The following PZP variants were observed in gnomAD, a reference collection of about 807,000 sequenced individuals.
PZP encodes the protein pregnancy zone protein.
In PZP, 150 loss-of-function variants were observed where a neutral mutation model predicts 179.8. The ratio of observed to expected loss-of-function variants is 0.83; its 90% CI spans 0.73 to 0.96. The LOEUF (loss-of-function observed/expected upper bound fraction) is 0.96. PZP is among the 40% of genes least tolerant of loss of function. The pLI, the probability that PZP is intolerant of heterozygous loss-of-function variation, is 0.00. For missense variants in PZP, 1,689 were observed against 1,764.0 expected (o/e 0.96, Z 0.76); for synonymous variants, 624 against 652.3 (o/e 0.96, Z 0.66).
intron 15 of PZP, among the ~76,000 whole-genome samples, chr12:9,172,783 T>A (rs1463230327): frequency 6.6e-6 from 1 of 152,222 alleles, no homozygotes; most frequent in African/African-American, 2.4e-5. Flanking sequence ...CTAACTATCC[T>A]AAATATATAT....
At chr12:9,148,830 C>G, downstream of PZP, 1 of 667,078 alleles carries the variant, frequency 1.5e-6, no homozygotes, top group Non-Finnish European at 2.6e-6. Context: ...ATGAATGATG[C>G]AACAAGTGAT....
chr12:9,145,631 C>T (rs570786632), downstream of PZP, among the ~76,000 whole-genome samples: 29 of 152,262 alleles, frequency 1.9e-4, no homozygotes, highest in African/African-American at 6.7e-4. Flanking sequence ...TTTGCCTTTG[C>T]CAATCAGTTT....
intron 22 of PZP, among the ~76,000 whole-genome samples, chr12:9,161,837 A>G (rs1941224473): frequency 6.6e-6 from 1 of 152,206 alleles, no homozygotes; most frequent in African/African-American, 2.4e-5. Context: ...TTCTACACGG[A>G]AAACACACAT....
At chr12:9,206,796 G>A (rs1332865575) in intron 1 of PZP, among the ~76,000 whole-genome samples, 1 of 152,104 alleles carries the variant, frequency 6.6e-6, no homozygotes, top group Non-Finnish European at 1.5e-5. Flanking sequence ...CAGACACAAC[G>A]TAAAAGGATG....
chr12:9,141,984 A>G, the PZP span, among the ~76,000 whole-genome samples: 5 of 152,200 alleles, frequency 3.3e-5, no homozygotes, highest in Non-Finnish European at 7.3e-5. Flanking sequence ...TTTAAATTGT[A>G]CAACATTTCT....
intron 28 of PZP, chr12:9,155,995 G>A (rs973185982): frequency 7.7e-5 from 13 of 168,446 alleles, no homozygotes; most frequent in Admixed American, 6.5e-4. Flanking sequence ...TAAAGAACTG[G>A]TAGTTTTTAT....
intron 13 of PZP, among the ~76,000 whole-genome samples, chr12:9,182,900 C>T (rs577544038): frequency 2.0e-5 from 3 of 152,286 alleles, no homozygotes; most frequent in Non-Finnish European, 2.9e-5. Context: ...GGTATTATTT[C>T]CATGTCTTCC....
chr12:9,179,301 T>A (rs2120937398), intron 15 of PZP, among the ~76,000 whole-genome samples: 1 of 152,282 alleles, frequency 6.6e-6, no homozygotes, highest in South Asian at 2.1e-4. Flanking sequence ...TCCACCTATA[T>A]CCTTTTTTAT....
intron 13 of PZP, among the ~76,000 whole-genome samples, chr12:9,190,690 CTAAAA>C (rs1006921305): frequency 1.3e-5 from 2 of 151,958 alleles, no homozygotes; most frequent in Non-Finnish European, 1.5e-5. Context: ...CCCTTCAAAC[CTAAAA>C]TAAAAGTTTT....
At position 9,200,359 on chromosome 12, in the gene PZP, C is replaced by T. The variant is rs773336717; in HGVS notation, c.755+5G>A. 15 of 1,579,234 alleles carry T rather than the reference C, an allele frequency of 9.5e-6. No individual in the cohort carries two copies. The South Asian group carries it at 1.6e-4, about 17-fold the overall frequency. Reference sequence around the variant, plus strand: ...AAAATTTTAGATAAAAACAATGTAACTCACTCTCCACAGACTGTTATGTTC... The same window carrying T: ...AAAATTTTAGATAAAAACAATGTAATTCACTCTCCACAGACTGTTATGTTC... On this transcript the variant is annotated splice_donor_5th_base_variant and intron_variant, in intron 7 of 35. Transcript: ENST00000261336.
At chr12:9,157,924 A>G in intron 26 of PZP, 83 bp from the exon 27 acceptor site, 4 of 1,119,724 alleles carry the variant, frequency 3.6e-6, no homozygotes. Flanking sequence ...AACGCTCCTC[A>G]GTATCTGTTT....
the PZP span, among the ~76,000 whole-genome samples, chr12:9,137,940 T>C: frequency 1.3e-5 from 2 of 152,142 alleles, no homozygotes; most frequent in African/African-American, 4.8e-5. Context: ...GGATTTTTAA[T>C]ACATAATATA....
In PZP at chr12:9,179,292, C is replaced by G. The variant is rs184163582; in HGVS notation, c.1839+1691G>C. 6.3e-4 allele frequency among the ~76,000 whole-genome samples: 96 copies of G among 152,206 alleles called. 1 individual carries two copies. Among genetic ancestry groups the G allele is most frequent in the African/African-American group, 2.3e-3 (94 of 41,540 alleles). On this transcript the variant is annotated intron_variant, in intron 15 of 35. Transcript: ENST00000261336. ...AATGTTCACCTTTTATTTTGCTGAT[C>G]CACCTATATCCTTTTTTATTGCCTC...
At chr12:9,157,133 A>T in intron 28 of PZP, 42 bp downstream of exon 28, 1 of 1,574,804 alleles carries the variant, frequency 6.3e-7, no homozygotes, top group Non-Finnish European at 8.7e-7. Flanking sequence ...CCCTGTGTCT[A>T]TGTGTTCTCA....
intron 16 of PZP, 30 bp downstream of exon 16, chr12:9,169,400 C>G (rs779060258): frequency 6.5e-7 from 1 of 1,531,666 alleles, no homozygotes; most frequent in Non-Finnish European, 8.9e-7. Flanking sequence ...ACTCACAAGC[C>G]AGCATGTTAA....
chr12:9,176,732 G>A (rs1030410892), intron 15 of PZP, among the ~76,000 whole-genome samples: 13 of 152,174 alleles, frequency 8.5e-5, no homozygotes, highest in South Asian at 4.1e-4. Context: ...AATTATGGAC[G>A]AGTAACTCCT....
the PZP span, among the ~76,000 whole-genome samples, chr12:9,141,677 A>T: frequency 1.3e-5 from 2 of 152,218 alleles, no homozygotes; most frequent in African/African-American, 4.8e-5. Flanking sequence ...AAAAATCCAC[A>T]TTCTCATGCC....
rs770348772 is a variant in PZP, at chr12:9,196,641, C to T, written c.912G>A (p.Met304Ile). The change falls in exon 9 of 36, where the codon ATG (methionine) becomes ATA (isoleucine). Residue 304 changes from methionine to isoleucine, a missense_variant. Around this residue, in one of 3 missense-constraint regions of PZP, gnomAD observed 742 missense variants for 730.5 expected, o/e 1.02. Coordinates refer to ENST00000261336, the MANE Select transcript of PZP (RefSeq NM_002864.3). ...GCITQQVHTK[M>I]LQITNTGFEM... ...CAAAGCCCGTATTTGTAATCTGGAG[C>T]ATTTTGGTGTGTACTTGTTGGGTGA... The T allele has an allele frequency of 1.9e-6, 3 of 1,613,810 alleles. No homozygotes were observed. The Admixed American group carries it at 5.0e-5, about 27-fold the overall frequency.
Position 9,196,629 on chromosome 12 carries a change from T to G in PZP, c.924A>C (p.Thr308=). Residue 308 remains threonine (T), a synonymous_variant, in exon 9 of 36, where the codon ACA becomes ACC. Transcript: ENST00000261336. ...TAAGCTTCATTTCAAAGCCCGTATT[T>G]GTAATCTGGAGCATTTTGGTGTGTA... ...QQVHTKMLQI[T]NTGFEMKLRV... is the part of the protein sequence containing the mutation. The G allele has an allele frequency of 1.2e-6, 2 of 1,613,972 alleles. No homozygotes were observed. Among genetic ancestry groups the G allele is most frequent in the Non-Finnish European group, 1.7e-6 (2 of 1,179,852 alleles).
Sources: allele counts gnomAD v4.1 joint callset (sites outside exome capture counted in the v4.1 genomes callset), GRCh38; gene constraint gnomAD v4.1.1; regional missense constraint gnomAD v4.1.1; transcripts MANE v1.5; gene names NCBI Gene and HGNC (gene_info 2026-07-23, HGNC 2026-07-21).